Variants in ZFHX3 observed in about 807,000 individuals in gnomAD.
ZFHX3 encodes the protein zinc finger homeobox protein 3.
In ZFHX3, 42 loss-of-function variants were observed where a neutral mutation model predicts 279.1. The ratio of observed to expected loss-of-function variants is 0.15; its 90% CI spans 0.12 to 0.19. ZFHX3 has a LOEUF of 0.19. ZFHX3 is among the 10% of genes least tolerant of loss of function. The pLI is 1.00. For synonymous variants in ZFHX3, 2,293 were observed against 1,957.8 expected, an observed-to-expected ratio of 1.17 and a Z score of -4.52; for missense variants, 4,981 against 4,754.0, an observed-to-expected ratio of 1.05 and a Z score of -1.40.
At chr16:73,399,508 T>G (rs1230719309) in intron 3 of ZFHX3, among the ~76,000 whole-genome samples, 1 of 152,210 alleles carries the variant, frequency 6.6e-6, no homozygotes, top group African/African-American at 2.4e-5. Context: ...AGTCTTGGTA[T>G]TCTCTCTACC....
At chr16:73,816,629 T>TGG (rs34986230) in intron 1 of ZFHX3, among the ~76,000 whole-genome samples, 1 of 151,422 alleles carries the variant, frequency 6.6e-6, no homozygotes, top group Non-Finnish European at 1.5e-5. Flanking sequence ...TTAAAAGAGA[T>TGG]GGGGGGGGAG....
At chr16:73,226,247 G>A (rs889726159) in intron 5 of ZFHX3, among the ~76,000 whole-genome samples, 21 of 152,136 alleles carry the variant, frequency 1.4e-4, no homozygotes, top group Non-Finnish European at 2.5e-4. Context: ...TCAAAGAAAT[G>A]GAAACAGGAA....
At chr16:72,884,373 T>C (rs2038570927) in intron 4 of ZFHX3, among the ~76,000 whole-genome samples, 1 of 152,226 alleles carries the variant, frequency 6.6e-6, no homozygotes, top group South Asian at 2.1e-4. Flanking sequence ...AAATTCTGAA[T>C]GATCGTGCAC....
rs2013117342 is a variant in ZFHX3, at chr16:73,241,417, T to G, written c.-1104+15630A>C. ...CACAGAGGTACATGTGTTTTAGATG[T>G]CAGGAAAGGGGGTCACTCAGGCATG... On this transcript the variant is annotated intron_variant, in intron 5 of 17. Transcript: ENST00000641206. 2.6e-5 allele frequency among the ~76,000 whole-genome samples: 4 copies of G among 152,112 alleles called. No individual in the cohort carries two copies. The South Asian group carries it at 6.2e-4, about 24-fold the overall frequency.
intron 1 of ZFHX3, among the ~76,000 whole-genome samples, chr16:73,866,880 T>C (rs1962036674): frequency 1.3e-5 from 2 of 152,160 alleles, no homozygotes; most frequent in Non-Finnish European, 1.5e-5. Context: ...GGAAACCACA[T>C]AGAAAAGTCT....
At chr16:73,268,666 C>T (rs895841095) in intron 4 of ZFHX3, among the ~76,000 whole-genome samples, 8 of 152,218 alleles carry the variant, frequency 5.3e-5, no homozygotes, top group African/African-American at 1.9e-4. Context: ...TACAGCTAAT[C>T]ACAGAGGGCT....
At chr16:73,556,777 G>A (rs1235190314) in intron 2 of ZFHX3, among the ~76,000 whole-genome samples, 1 of 152,030 alleles carries the variant, frequency 6.6e-6, no homozygotes, top group Non-Finnish European at 1.5e-5. Context: ...AGAGGATGTG[G>A]TTTAAAATAA....
chr16:73,860,388 C>T (rs1331927760), intron 1 of ZFHX3, among the ~76,000 whole-genome samples: 28 of 139,880 alleles, frequency 2.0e-4, no homozygotes, highest in African/African-American at 7.1e-4. Flanking sequence ...CATTCCCTTA[C>T]TTTTTTTTTT....
intron 5 of ZFHX3, among the ~76,000 whole-genome samples, chr16:73,192,556 C>T (rs968151599): frequency 3.3e-5 from 5 of 152,180 alleles, no homozygotes; most frequent in African/African-American, 4.8e-5. Flanking sequence ...TGCGTCTGAG[C>T]TGTCTGGCTC....
chr16:73,260,291 A>G (rs2013783763), intron 4 of ZFHX3, among the ~76,000 whole-genome samples: 1 of 152,140 alleles, frequency 6.6e-6, no homozygotes, highest in Non-Finnish European at 1.5e-5. Context: ...GCTTGGTTAG[A>G]GTGGTGTCTG....
In ZFHX3 at chr16:73,603,772, CT is replaced by C. The variant is rs11459049; in HGVS notation, c.-1547+76407del. On this transcript the variant is annotated intron_variant, in intron 2 of 17. Transcript: ENST00000641206. Reference sequence around the variant, plus strand: ...TAAAAATACTCAGGAAAAAAATACGCTTTTTTTTTTTTTTTTTTTGAGATGG... The same window carrying C: ...TAAAAATACTCAGGAAAAAAATACGCTTTTTTTTTTTTTTTTTTGAGATGG... 3.4e-3 allele frequency among the ~76,000 whole-genome samples: 362 copies of C among 105,376 alleles called. 1 individual carries two copies. The highest frequency in any genetic ancestry group is 0.02 in the East Asian group (72 of 3,562). 69.1% of individuals were successfully genotyped at this position (105,376 alleles called of 152,430 possible). A position where few individuals can be genotyped will look rare whatever the true frequency, so the allele number is the denominator to read the frequency against.
In ZFHX3 at chr16:73,218,470, T is replaced by A. The variant is rs151085177; in HGVS notation, c.-1104+38577A>T. Among the ~76,000 whole-genome samples, 334 of 152,284 alleles carry A rather than the reference T, an allele frequency of 2.2e-3. 2 individuals carry two copies. The highest frequency in any genetic ancestry group is 6.8e-3 in the Middle Eastern group (2 of 294). ...CTTTCTTAAAATTAGTTTGATTTTT[T>A]AAAAAATATAAATACAGGTCAAGTG... is the stretch of plus-strand genomic sequence containing the variant. On this transcript the variant is annotated intron_variant, in intron 5 of 17. Coordinates refer to the ZFHX3 transcript ENST00000641206.
intron 5 of ZFHX3, among the ~76,000 whole-genome samples, chr16:73,216,001 AG>A (rs2012193144): frequency 6.6e-6 from 1 of 152,194 alleles, no homozygotes; most frequent in African/African-American, 2.4e-5. Flanking sequence ...TGATCTAGAT[AG>A]TGATTGATCT....
At chr16:72,957,379 T>C (rs1408659607) in intron 2 of ZFHX3, 48 bp downstream of exon 2, 1 of 1,544,232 alleles carries the variant, frequency 6.5e-7, no homozygotes, top group South Asian at 1.3e-5. Flanking sequence ...CCATTCTCCC[T>C]GGTTAAACTC....
Position 73,334,810 on chromosome 16 carries a change from C to CTTTTTTTTTTTTTTT in ZFHX3, c.-1290-16489_-1290-16475dup, listed in dbSNP as rs368597124. 7.8e-4 allele frequency among the ~76,000 whole-genome samples: 45 copies of CTTTTTTTTTTTTTTT among 57,914 alleles called. 5 individuals carry two copies. The highest frequency in any genetic ancestry group is 1.2e-3 in the Non-Finnish European group (34 of 29,186). 38.0% of individuals were successfully genotyped at this position (57,914 alleles called of 152,430 possible). On this transcript the variant is annotated intron_variant, in intron 3 of 17. Coordinates refer to the ZFHX3 transcript ENST00000641206. The stretch of plus-strand genomic sequence containing the variant: ...TCTTTTCCTCCTTTTCTTTCTCATT[C>CTTTTTTTTTTTTTTT]TTTTTTTTTTTTTTTTTTTTTTTTT...
intron 5 of ZFHX3, among the ~76,000 whole-genome samples, chr16:73,184,219 G>C (rs12149401): frequency 1.7e-3 from 256 of 152,316 alleles, no homozygotes; most frequent in Middle Eastern, 3.4e-3. Flanking sequence ...GGTGTCACCA[G>C]TGTTTCCTCC....
intron 5 of ZFHX3, among the ~76,000 whole-genome samples, chr16:73,176,567 A>AT (rs1170656366): frequency 6.7e-6 from 1 of 150,174 alleles, no homozygotes; most frequent in Non-Finnish European, 1.5e-5. Context: ...CCTCGGCTGA[A>AT]TTTTTTATTA....
At chr16:73,250,335 G>T (rs754787158) in intron 5 of ZFHX3, among the ~76,000 whole-genome samples, 17 of 152,130 alleles carry the variant, frequency 1.1e-4, no homozygotes, top group Non-Finnish European at 1.9e-4. Context: ...CCTGAAACAA[G>T]ATGTTATCAA....
At chr16:73,242,179 G>C (rs1332762652) in intron 5 of ZFHX3, among the ~76,000 whole-genome samples, 1 of 152,210 alleles carries the variant, frequency 6.6e-6, no homozygotes, top group East Asian at 1.9e-4. Flanking sequence ...TTACTTTATA[G>C]AGGAGAAAGT....
Sources: allele counts gnomAD v4.1 joint callset (sites outside exome capture counted in the v4.1 genomes callset), GRCh38; gene constraint gnomAD v4.1.1; transcripts MANE v1.5; gene names NCBI Gene and HGNC (gene_info 2026-07-23, HGNC 2026-07-21).